NTAQ1: variants seen among roughly 807,000 people sequenced by gnomAD.
NTAQ1 encodes N-terminal glutamine amidase 1, also known as protein N-terminal glutamine amidohydrolase.
NTAQ1 carries 21 observed loss-of-function variants against 28.2 expected under a neutral mutation model. That is an observed-to-expected ratio of 0.74 (90% CI 0.53 to 1.07). The LOEUF (loss-of-function observed/expected upper bound fraction) is 1.07, where lower values mean the gene tolerates loss of function less well. Ranked by LOEUF, NTAQ1 falls within the 50% of genes least tolerant of loss-of-function variation. NTAQ1 has a pLI of 0.00. For synonymous variants in NTAQ1, 105 were observed against 90.0 expected (o/e 1.17, Z -0.94); for missense variants, 264 against 256.6 (o/e 1.03, Z -0.20).
rs1203454763 is a variant in NTAQ1, at chr8:123,437,837, CAT to C, written c.508+504_508+505del. Among the ~76,000 whole-genome samples the C allele has an allele frequency of 3.3e-5, 5 of 152,144 alleles. No individual in the cohort carries two copies. In the South Asian group the frequency reaches 6.2e-4, roughly 19 times the overall value. On this transcript the variant is annotated intron_variant, in intron 5 of 5. Transcript: ENST00000287387. ...AGAATAGGACTGGAAGGCATAAGAACATGTGGGAGAGGAAGGGTGTTAAGGAT... is the reference window on the plus strand; with the variant it reads ...AGAATAGGACTGGAAGGCATAAGAACGTGGGAGAGGAAGGGTGTTAAGGAT...
At chr8:123,432,093 T>C (rs974878788) in intron 3 of NTAQ1, among the ~76,000 whole-genome samples, 3 of 152,154 alleles carry the variant, frequency 2.0e-5, no homozygotes, top group African/African-American at 7.2e-5. Flanking sequence ...GCTGTCCTGT[T>C]GTAGGGCATG....
At chr8:123,442,606 A>G (rs1240671461), downstream of NTAQ1, among the ~76,000 whole-genome samples, 3 of 151,100 alleles carry the variant, frequency 2.0e-5, no homozygotes, top group Non-Finnish European at 4.4e-5. Context: ...GAAAAAAAAA[A>G]AAAAAGAAAA....
chr8:123,428,056 A>G (rs1446613537), intron 2 of NTAQ1, 33 bp downstream of exon 2: 34 of 1,490,042 alleles, frequency 2.3e-5, no homozygotes, highest in Non-Finnish European at 2.9e-5. Flanking sequence ...AAAGAAAACA[A>G]GAGATTTAGG....
intron 6 of NTAQ1, among the ~76,000 whole-genome samples, chr8:123,465,781 C>T (rs1297087829): frequency 6.6e-6 from 1 of 151,744 alleles, no homozygotes; most frequent in African/African-American, 2.4e-5. Flanking sequence ...GGGGTTTCAC[C>T]ATGTTGCCCA....
chr8:123,445,527 T>C (rs1815243885), downstream of NTAQ1, among the ~76,000 whole-genome samples: 1 of 130,488 alleles, frequency 7.7e-6, no homozygotes, highest in Non-Finnish European at 1.7e-5. Context: ...CTTCTTGGTG[T>C]GCCAAAAAAA....
chr8:123,471,241 C>T (rs137944925), downstream of NTAQ1, among the ~76,000 whole-genome samples: 52 of 152,168 alleles, frequency 3.4e-4, no homozygotes, highest in Non-Finnish European at 5.9e-4. Context: ...TCTGCTTCCT[C>T]TTATAAGGAC....
intron 6 of NTAQ1, among the ~76,000 whole-genome samples, chr8:123,463,927 T>G (rs1815899139): frequency 6.6e-6 from 1 of 152,152 alleles, no homozygotes; most frequent in Non-Finnish European, 1.5e-5. Flanking sequence ...CATGGGGGCA[T>G]GTCTTTCCTG....
At chr8:123,436,125 T>C (rs910472222) in intron 3 of NTAQ1, among the ~76,000 whole-genome samples, 6 of 140,252 alleles carry the variant, frequency 4.3e-5, no homozygotes, top group African/African-American at 1.6e-4. Context: ...GCTGAGATCA[T>C]GCCACTGCAC....
At chr8:123,424,935 A>G (rs1324076764) in intron 1 of NTAQ1, among the ~76,000 whole-genome samples, 1 of 152,148 alleles carries the variant, frequency 6.6e-6, no homozygotes, top group African/African-American at 2.4e-5. Context: ...TATTTTGTAC[A>G]TTATAAGCTC....
At chr8:123,422,834 G>A (rs1813789500) in intron 1 of NTAQ1, among the ~76,000 whole-genome samples, 1 of 152,084 alleles carries the variant, frequency 6.6e-6, no homozygotes, top group Admixed American at 6.6e-5. Flanking sequence ...GTGAAAGGGA[G>A]GGGTCAAGTT....
chr8:123,438,026 C>T (rs1586949570), intron 5 of NTAQ1: 2 of 613,634 alleles, frequency 3.3e-6, no homozygotes, highest in South Asian at 3.8e-5. Context: ...CCATTGCATC[C>T]TTATGATGTG....
chr8:123,428,140 T>G, intron 2 of NTAQ1, 117 bp downstream of exon 2: 4 of 671,628 alleles, frequency 6.0e-6, no homozygotes, highest in Non-Finnish European at 9.6e-6. Flanking sequence ...GAAGTGTGCT[T>G]TATTAAATAC....
intron 1 of NTAQ1, among the ~76,000 whole-genome samples, chr8:123,426,472 C>G (rs1213775220): frequency 6.6e-6 from 1 of 152,152 alleles, no homozygotes; most frequent in Non-Finnish European, 1.5e-5. Flanking sequence ...CAGTTCAAGA[C>G]CAGCCTGAGC....
intron 6 of NTAQ1, among the ~76,000 whole-genome samples, chr8:123,457,904 T>C (rs1815694486): frequency 6.6e-6 from 1 of 151,904 alleles, no homozygotes; most frequent in Non-Finnish European, 1.5e-5. Context: ...CGTGGTGTCA[T>C]GTGCCTGTAG....
intron 6 of NTAQ1, among the ~76,000 whole-genome samples, chr8:123,456,449 A>G (rs1239088586): frequency 6.6e-6 from 1 of 152,186 alleles, no homozygotes; most frequent in African/African-American, 2.4e-5. Flanking sequence ...TTTAAAGTAA[A>G]CAAAGTCAAA....
chr8:123,424,813 G>A (rs1428609903), intron 1 of NTAQ1, among the ~76,000 whole-genome samples: 2 of 152,116 alleles, frequency 1.3e-5, no homozygotes, highest in East Asian at 3.9e-4. Flanking sequence ...CTTCCTTTCT[G>A]CATGCATCTT....
intron 2 of NTAQ1, among the ~76,000 whole-genome samples, chr8:123,428,977 G>A (rs555490275): frequency 1.3e-5 from 2 of 152,232 alleles, no homozygotes; most frequent in East Asian, 3.9e-4. Flanking sequence ...CATACTCTCA[G>A]TTTTAAAGTA....
intron 1 of NTAQ1, among the ~76,000 whole-genome samples, chr8:123,418,590 T>C (rs569155681): frequency 6.6e-6 from 1 of 152,248 alleles, no homozygotes; most frequent in East Asian, 1.9e-4. Flanking sequence ...TAAGGTGATA[T>C]TTGAAAAGAG....
intron 6 of NTAQ1, among the ~76,000 whole-genome samples, chr8:123,459,800 C>CT (rs35644112): frequency 0.34 from 40,286 of 119,602 alleles, 7,511 homozygotes; most frequent in East Asian, 0.49. Flanking sequence ...ATACATCATT[C>CT]TTTTTTTTTT....
Sources: allele counts gnomAD v4.1 joint callset (sites outside exome capture counted in the v4.1 genomes callset), GRCh38; gene constraint gnomAD v4.1.1; transcripts MANE v1.5; gene names NCBI Gene and HGNC (gene_info 2026-07-23, HGNC 2026-07-21).